Variants in CNTN6 observed in about 807,000 individuals in gnomAD.
CNTN6 encodes contactin 6.
In CNTN6, 137 loss-of-function variants were observed where a neutral mutation model predicts 122.8. That is an observed-to-expected ratio of 1.12 (90% CI 0.97 to 1.29). CNTN6 has a LOEUF of 1.29. CNTN6 is among the 50% of genes most tolerant of loss of function. The probability of loss-of-function intolerance (pLI) is 0.00; values close to 1 mark genes in which losing one functional copy is unlikely to be tolerated. For missense variants in CNTN6, 1,634 were observed against 1,223.4 expected (o/e 1.34, Z -5.01); for synonymous variants, 570 against 426.0 (o/e 1.34, Z -4.16).
At chr3:1,296,036 G>A (rs2125866266) in intron 6 of CNTN6, among the ~76,000 whole-genome samples, 1 of 152,274 alleles carries the variant, frequency 6.6e-6, no homozygotes, top group East Asian at 1.9e-4. Context: ...CATTGAAACA[G>A]CTTGTCTTTT....
At chr3:1,300,464 G>C (rs1476791622) in intron 7 of CNTN6, among the ~76,000 whole-genome samples, 1 of 82,608 alleles carries the variant, frequency 1.2e-5, no homozygotes, top group Non-Finnish European at 2.5e-5. Context: ...AGGAAGGAAG[G>C]AAGGAAGGAA....
intron 7 of CNTN6, among the ~76,000 whole-genome samples, chr3:1,316,859 G>T (rs1385477239): frequency 6.6e-6 from 1 of 151,748 alleles, no homozygotes; most frequent in Admixed American, 6.6e-5. Context: ...CATTTAGGAT[G>T]GCTTCAGAAA....
Position 1,132,121 on chromosome 3 carries a change from C to T in CNTN6, c.-82-15806C>T, listed in dbSNP as rs952298295. ...TGAAAAACTAGTATGTTCTGGGAATCGACAAGCAGATTGGGCCTGACACTT... is the reference window on the plus strand; with the variant it reads ...TGAAAAACTAGTATGTTCTGGGAATTGACAAGCAGATTGGGCCTGACACTT... On this transcript the variant is annotated intron_variant, in intron 1 of 22. Transcript: ENST00000446702. Among the ~76,000 whole-genome samples, 6 of 152,040 alleles carry T rather than the reference C, an allele frequency of 3.9e-5. No homozygotes were observed. The East Asian group carries it at 5.8e-4, about 15-fold the overall frequency.
intron 1 of CNTN6, among the ~76,000 whole-genome samples, chr3:1,134,216 A>G (rs7620612): frequency 0.37 from 56,443 of 151,910 alleles, 10,989 homozygotes; most frequent in East Asian, 0.46. Flanking sequence ...TGGCCACAGC[A>G]TCTCGACTTT....
rs142263074 is a variant in CNTN6, at chr3:1,187,266, T to G, written c.56-33421T>G. 4.4e-4 allele frequency among the ~76,000 whole-genome samples: 67 copies of G among 151,754 alleles called. No homozygotes were observed. The East Asian group carries it at 0.013, about 28-fold the overall frequency. On this transcript the variant is annotated intron_variant, in intron 2 of 22. Coordinates refer to ENST00000446702, the MANE Select transcript of CNTN6 (RefSeq NM_001289080.2). ...TTTTTTGTAACCCACACCAGTTCTA[T>G]CCATACATACTTTTTTTTTTTCTTT... is the stretch of plus-strand genomic sequence containing the variant.
At chr3:1,329,330 T>A (rs919881389) in intron 10 of CNTN6, among the ~76,000 whole-genome samples, 5 of 151,642 alleles carry the variant, frequency 3.3e-5, no homozygotes, top group Non-Finnish European at 7.4e-5. Context: ...TAGACTTTCC[T>A]GGTCAGAATT....
intron 12 of CNTN6, among the ~76,000 whole-genome samples, chr3:1,363,616 A>G (rs1215810221): frequency 2.0e-5 from 3 of 152,046 alleles, no homozygotes; most frequent in East Asian, 1.9e-4. Flanking sequence ...GAGCTGAATA[A>G]TATCCCATTG....
chr3:1,287,756 C>T (rs1459150414), intron 5 of CNTN6, among the ~76,000 whole-genome samples: 1 of 152,162 alleles, frequency 6.6e-6, no homozygotes, highest in Non-Finnish European at 1.5e-5. Flanking sequence ...AAAAGACACT[C>T]CCACCAGCGC....
intron 7 of CNTN6, among the ~76,000 whole-genome samples, chr3:1,298,586 A>C (rs1185000595): frequency 6.6e-6 from 1 of 152,160 alleles, no homozygotes; most frequent in Non-Finnish European, 1.5e-5. Context: ...ACATTTTTGC[A>C]TGGGATATCT....
chr3:1,381,297 G>C (rs986945841), intron 17 of CNTN6, among the ~76,000 whole-genome samples: 5 of 151,914 alleles, frequency 3.3e-5, no homozygotes, highest in African/African-American at 1.2e-4. Context: ...CTATGAAAAA[G>C]AAGAGAAGTG....
intron 10 of CNTN6, among the ~76,000 whole-genome samples, chr3:1,329,115 ATG>A (rs529330536): frequency 1.6e-4 from 24 of 151,334 alleles, no homozygotes; most frequent in South Asian, 4.2e-4. Context: ...ATATATGTAT[ATG>A]TGTGTGTGTT....
intron 10 of CNTN6, 93 bp downstream of exon 10, chr3:1,327,679 G>C: frequency 7.9e-7 from 1 of 1,259,746 alleles, no homozygotes; most frequent in Non-Finnish European, 1.1e-6. Flanking sequence ...TTGTAAATTA[G>C]AAATTGCTGT....
intron 7 of CNTN6, among the ~76,000 whole-genome samples, chr3:1,318,260 A>C (rs1030979177): frequency 6.6e-6 from 1 of 151,702 alleles, no homozygotes; most frequent in Non-Finnish European, 1.5e-5. Context: ...TCTGCAGAGC[A>C]ATAAGTTCTC....
chr3:1,383,028 G>C lies in CNTN6; in HGVS notation c.2253G>C (p.Glu751Asp). The C allele has an allele frequency of 1.2e-6, 2 of 1,614,094 alleles. No homozygotes were observed. The highest frequency in any genetic ancestry group is 1.7e-6 in the Non-Finnish European group (2 of 1,179,948). ...RPVGSTTWSK[E>D]KVSSVESSRF... ...TGGGCTCGACAACCTGGTCCAAGGA[G>C]AAAGTGTCATCTGTGGAATCATCAA... Residue 751 changes from glutamate to aspartate, a missense_variant, in exon 18 of 23, where the codon GAG (glutamate) becomes GAC (aspartate). Coordinates refer to ENST00000446702, the MANE Select transcript of CNTN6 (RefSeq NM_001289080.2).
rs73816813 is a variant in CNTN6 at position 1,187,882 on chromosome 3, C to A, written c.56-32805C>A. ...AGAAGTCTGTATGGTTGGTTGGGCA[C>A]CGTATGGTTGGTTGGGCAGTCTGTT... On this transcript the variant is annotated intron_variant, in intron 2 of 22. Coordinates refer to ENST00000446702, the MANE Select transcript of CNTN6 (RefSeq NM_001289080.2). Among the ~76,000 whole-genome samples, 1,432 of 152,172 alleles carry A rather than the reference C, an allele frequency of 9.4e-3. 25 individuals are homozygous for A. Among genetic ancestry groups the A allele is most frequent in the African/African-American group, 0.032 (1,344 of 41,508 alleles).
chr3:1,226,474 C>T lies in CNTN6; in HGVS notation c.183-1344C>T, dbSNP rs76686053. 4.6e-5 allele frequency among the ~76,000 whole-genome samples: 7 copies of T among 152,122 alleles called. No homozygotes were observed. The East Asian group carries it at 1.4e-3, about 29-fold the overall frequency. The stretch of plus-strand genomic sequence containing the variant: ...TTCCCCTCACTCTTCTTCTCTGAAG[C>T]AGGTCATAAAACCTTTATTCCAGAG... On this transcript the variant is annotated intron_variant, in intron 3 of 22. Transcript: ENST00000446702.
intron 8 of CNTN6, 123 bp downstream of exon 8, chr3:1,321,957 G>A (rs1700923522): frequency 1.3e-6 from 1 of 780,246 alleles, no homozygotes; most frequent in Non-Finnish European, 2.0e-6. Flanking sequence ...CATATTTCCG[G>A]GTTTAGATGC....
intron 2 of CNTN6, among the ~76,000 whole-genome samples, chr3:1,169,463 C>A (rs1025684281): frequency 2.0e-5 from 3 of 152,140 alleles, no homozygotes; most frequent in Non-Finnish European, 4.4e-5. Flanking sequence ...GCATATTTAG[C>A]TTTTCAGGGA....
At chr3:1,210,424 A>AG (rs1553626462) in intron 2 of CNTN6, among the ~76,000 whole-genome samples, 64,505 of 151,190 alleles carry the variant, frequency 0.43, 14,373 homozygotes, top group African/African-American at 0.57. Context: ...GAAAAAGGAA[A>AG]GAAAAAAAAA....
Sources: allele counts gnomAD v4.1 joint callset (sites outside exome capture counted in the v4.1 genomes callset), GRCh38; gene constraint gnomAD v4.1.1; transcripts MANE v1.5; gene names NCBI Gene and HGNC (gene_info 2026-07-23, HGNC 2026-07-21).